The following OR1J2 variants were observed in gnomAD, a reference collection of about 807,000 sequenced individuals.
OR1J2 encodes the protein olfactory receptor family 1 subfamily J member 2, also known as olfactory receptor 1J2.
For missense variants in OR1J2, 304 were observed against 246.1 expected (o/e 1.24, Z -1.57); for synonymous variants, 142 against 99.7 (o/e 1.42, Z -2.52).
chr9:122,495,947 T>A, the OR1J2 span, among the ~76,000 whole-genome samples: 2 of 152,148 alleles, frequency 1.3e-5, no homozygotes, highest in Non-Finnish European at 2.9e-5. Context: ...GTAGTGATTG[T>A]TTTTCCTCTT....
At chr9:122,516,462 C>A (rs963692487), downstream of OR1J2, among the ~76,000 whole-genome samples, 26 of 151,942 alleles carry the variant, frequency 1.7e-4, no homozygotes, top group Non-Finnish European at 2.8e-4. Context: ...CGCCACTACG[C>A]CCGGCTAATT....
At chr9:122,519,558 CT>C in the OR1J2 span, 1 of 1,614,174 alleles carries the variant, frequency 6.2e-7, no homozygotes, top group Non-Finnish European at 8.5e-7. Flanking sequence ...GAAAGAGGGA[CT>C]GTGTAACTTA....
the OR1J2 span, among the ~76,000 whole-genome samples, chr9:122,473,384 T>C: frequency 6.6e-6 from 1 of 152,152 alleles, no homozygotes; most frequent in South Asian, 2.1e-4. Context: ...ATGGATCATC[T>C]CTCTAAAAGT....
At chr9:122,552,594 C>T in the OR1J2 span, among the ~76,000 whole-genome samples, 1 of 152,024 alleles carries the variant, frequency 6.6e-6, no homozygotes, top group South Asian at 2.1e-4. Context: ...CACCAGACAC[C>T]TACTGCCCTC....
At chr9:122,474,366 A>G in the OR1J2 span, among the ~76,000 whole-genome samples, 1 of 152,188 alleles carries the variant, frequency 6.6e-6, no homozygotes, top group Non-Finnish European at 1.5e-5. Flanking sequence ...TCTTGCTCAA[A>G]TGTGGCTAAA....
chr9:122,553,743 C>T, the OR1J2 span: 3 of 1,613,932 alleles, frequency 1.9e-6, no homozygotes, highest in South Asian at 3.3e-5. Flanking sequence ...GAAAGCCATC[C>T]CTCATTTCTA....
chr9:122,535,297 C>T, the OR1J2 span, among the ~76,000 whole-genome samples: 24 of 152,054 alleles, frequency 1.6e-4, no homozygotes, highest in African/African-American at 4.6e-4. Context: ...GGACTTGCCA[C>T]TAAGGGTAAA....
chr9:122,490,463 A>G, the OR1J2 span, among the ~76,000 whole-genome samples: 1 of 152,142 alleles, frequency 6.6e-6, no homozygotes, highest in African/African-American at 2.4e-5. Flanking sequence ...TTACCCTTAA[A>G]GGTATTTTGT....
At chr9:122,527,182 T>C in the OR1J2 span, 5 of 1,614,048 alleles carry the variant, frequency 3.1e-6, no homozygotes, top group Non-Finnish European at 4.2e-6. Flanking sequence ...AGGTTCCCAG[T>C]CAAGGTGACA....
the OR1J2 span, among the ~76,000 whole-genome samples, chr9:122,487,034 A>G: frequency 2.0e-5 from 3 of 152,162 alleles, no homozygotes; most frequent in Admixed American, 2.0e-4. Flanking sequence ...GGTCCCAGGA[A>G]AAAAACAAAT....
the OR1J2 span, among the ~76,000 whole-genome samples, chr9:122,541,905 A>G: frequency 7.2e-5 from 11 of 152,320 alleles, no homozygotes; most frequent in African/African-American, 2.6e-4. Context: ...TAATTTTTTC[A>G]TATGTATACA....
At chr9:122,567,265 T>C in the OR1J2 span, 1 of 278,848 alleles carries the variant, frequency 3.6e-6, no homozygotes, top group Admixed American at 4.7e-5. Context: ...TAGGAAATAT[T>C]CATGGGGAAA....
chr9:122,453,690 A>G, the OR1J2 span, among the ~76,000 whole-genome samples: 2 of 152,190 alleles, frequency 1.3e-5, no homozygotes, highest in Non-Finnish European at 2.9e-5. Flanking sequence ...TCATGTCAAT[A>G]TTCACCTCTC....
At chr9:122,476,518 C>T in the OR1J2 span, among the ~76,000 whole-genome samples, 2 of 152,164 alleles carry the variant, frequency 1.3e-5, no homozygotes, top group African/African-American at 2.4e-5. Context: ...TTTTACTATT[C>T]CCTCAAACAG....
At chr9:122,525,474 A>C in the OR1J2 span, among the ~76,000 whole-genome samples, 2 of 152,180 alleles carry the variant, frequency 1.3e-5, no homozygotes, top group Admixed American at 1.3e-4. Context: ...TAATATTTTT[A>C]ATATTTCTAA....
chr9:122,558,730 ATTTG>A, the OR1J2 span, among the ~76,000 whole-genome samples: 1 of 151,730 alleles, frequency 6.6e-6, no homozygotes, highest in Admixed American at 6.6e-5. Context: ...TTTCATACAA[ATTTG>A]TCCTTTAAGA....
the OR1J2 span, among the ~76,000 whole-genome samples, chr9:122,573,081 CTT>C: frequency 6.6e-6 from 1 of 152,208 alleles, no homozygotes; most frequent in Non-Finnish European, 1.5e-5. Context: ...GGCAAGGACT[CTT>C]TTGATTGTGG....
the OR1J2 span, among the ~76,000 whole-genome samples, chr9:122,548,627 G>T: frequency 6.7e-6 from 1 of 150,124 alleles, no homozygotes; most frequent in Non-Finnish European, 1.5e-5. Context: ...AAGTTCTAGG[G>T]TATGTGTGCA....
At chr9:122,486,401 C>G in the OR1J2 span, among the ~76,000 whole-genome samples, 1 of 152,158 alleles carries the variant, frequency 6.6e-6, no homozygotes, top group African/African-American at 2.4e-5. Context: ...ATATTCTTCC[C>G]ACTCTATTAA....
Sources: gnomAD v4.1 joint callset for allele counts (sites outside exome capture counted in the v4.1 genomes callset) on GRCh38, gnomAD v4.1.1 for gene constraint, MANE v1.5 for transcripts, NCBI Gene and HGNC (gene_info 2026-07-23, HGNC 2026-07-21) for gene names.